The following PRUNE2 variants were observed in gnomAD, a reference collection of about 807,000 sequenced individuals.
The protein encoded by PRUNE2 is protein prune homolog 2.
PRUNE2 carries 164 observed loss-of-function variants against 252.0 expected under a neutral mutation model. The observed-to-expected ratio is 0.65, with a 90% CI of 0.57 to 0.74. PRUNE2 has a LOEUF of 0.74. PRUNE2 is among the 30% of genes least tolerant of loss of function. The probability of loss-of-function intolerance (pLI) is 0.00; values close to 1 mark genes in which losing one functional copy is unlikely to be tolerated. For missense variants in PRUNE2, 3,495 were observed against 3,711.0 expected (o/e 0.94, Z 1.51); for synonymous variants, 1,292 against 1,350.2 (o/e 0.96, Z 0.94).
intron 11 of PRUNE2, among the ~76,000 whole-genome samples, chr9:76,647,525 G>A (rs1003815328): frequency 6.6e-6 from 1 of 152,066 alleles, no homozygotes; most frequent in African/African-American, 2.4e-5. Flanking sequence ...TTGATAAGGT[G>A]GACTTCATTG....
intron 6 of PRUNE2, among the ~76,000 whole-genome samples, chr9:76,773,616 G>A (rs1462599680): frequency 6.6e-6 from 1 of 151,878 alleles, no homozygotes; most frequent in African/African-American, 2.4e-5. Flanking sequence ...GCTAATTTTT[G>A]TACTTTTAGT....
Position 76,709,030 on chromosome 9 carries a change from G to C in PRUNE2, c.3244C>G (p.Pro1082Ala), listed in dbSNP as rs772152187. ...GESSQSSYDDPSMMQLYNETN... is the reference protein window; with the variant it reads ...GESSQSSYDDASMMQLYNETN... ...TCATTGTACAGTTGCATCATGCTGGGGTCGTCGTAACTGGACTGGCTGCTT... is the reference window on the plus strand; with the variant it reads ...TCATTGTACAGTTGCATCATGCTGGCGTCGTCGTAACTGGACTGGCTGCTT... Residue 1082 changes from proline (P) to alanine (A), a missense_variant, in exon 8 of 19, where the codon CCC (proline) becomes GCC (alanine). Transcript: ENST00000376718. 18 of 1,613,826 alleles carry C rather than the reference G, an allele frequency of 1.1e-5. No individual in the cohort carries two copies. The highest frequency in any genetic ancestry group is 1.4e-5 in the Non-Finnish European group (16 of 1,179,898).
At chr9:76,841,005 T>C (rs1159722083) in intron 4 of PRUNE2, among the ~76,000 whole-genome samples, 1 of 151,074 alleles carries the variant, frequency 6.6e-6, no homozygotes, top group African/African-American at 2.4e-5. Flanking sequence ...AGATTGTCCC[T>C]AGGTGGCTGG....
At chr9:76,744,988 A>G (rs2049977309) in intron 6 of PRUNE2, among the ~76,000 whole-genome samples, 1 of 152,134 alleles carries the variant, frequency 6.6e-6, no homozygotes, top group Non-Finnish European at 1.5e-5. Context: ...GACTTTCCCC[A>G]CCAAGCCTTA....
At chr9:76,616,825 A>AGG (rs1277161176) in intron 18 of PRUNE2, among the ~76,000 whole-genome samples, 3 of 152,138 alleles carry the variant, frequency 2.0e-5, no homozygotes, top group African/African-American at 7.2e-5. Flanking sequence ...CTTCAAATAG[A>AGG]GCCACTCTTG....
chr9:76,631,199 G>A (rs1483374011), intron 15 of PRUNE2, among the ~76,000 whole-genome samples: 1 of 152,172 alleles, frequency 6.6e-6, no homozygotes, highest in African/African-American at 2.4e-5. Flanking sequence ...GCTAAATACG[G>A]TTTTGATAAA....
At chr9:76,758,611 G>C (rs1400802609) in intron 6 of PRUNE2, 1 of 151,706 alleles carries the variant, frequency 6.6e-6, no homozygotes, top group Non-Finnish European at 1.5e-5. Context: ...TCCCGCCTCA[G>C]CCTCCTGAGT....
intron 1 of PRUNE2, among the ~76,000 whole-genome samples, chr9:76,876,414 GAT>G (rs1484548399): frequency 1.3e-5 from 2 of 152,112 alleles, no homozygotes; most frequent in East Asian, 3.9e-4. Flanking sequence ...TTGGGGGCCA[GAT>G]TCCCCTGGAC....
intron 6 of PRUNE2, among the ~76,000 whole-genome samples, chr9:76,721,629 G>A (rs1049254187): frequency 3.3e-5 from 5 of 152,124 alleles, no homozygotes; most frequent in African/African-American, 7.2e-5. Context: ...CAGTGTGTAC[G>A]GCTGCATTTT....
chr9:76,766,827 C>T lies in PRUNE2; in HGVS notation c.757-53106G>A, dbSNP rs530116345. 1.5e-3 allele frequency among the ~76,000 whole-genome samples: 228 copies of T among 152,322 alleles called. 1 individual carries two copies. The highest frequency in any genetic ancestry group is 1.9e-3 in the Non-Finnish European group (130 of 68,030). On this transcript the variant is annotated intron_variant, in intron 6 of 18. Coordinates refer to ENST00000376718, the MANE Select transcript of PRUNE2 (RefSeq NM_015225.3). ...ACATCACTTTCTCTGTGAGGGCTTT[C>T]TCTCCAAAGCACTGTTCTGCGGTCC...
intron 9 of PRUNE2, among the ~76,000 whole-genome samples, chr9:76,701,648 G>C (rs2045898462): frequency 6.6e-6 from 1 of 152,186 alleles, no homozygotes; most frequent in African/African-American, 2.4e-5. Flanking sequence ...CAGGAAGAAA[G>C]AAGGATTAGG....
chr9:76,846,728 T>A lies in PRUNE2; in HGVS notation c.345-50A>T, dbSNP rs150170774. 5.1e-4 allele frequency: 770 copies of A among 1,520,726 alleles called. 5 individuals carry two copies. The African/African-American group carries it at 9.2e-3, about 18-fold the overall frequency. The allele number at this position is 1,520,726 out of a possible 1,614,324, so 94.2% of individuals were successfully genotyped here. On this transcript the variant is annotated intron_variant, in intron 3 of 18. Coordinates refer to ENST00000376718, the MANE Select transcript of PRUNE2 (RefSeq NM_015225.3). ...AGAGAAAGGGATATGGCATGTCTTA[T>A]TACTTTTTGGAATGTTTAAATCTCT...
intron 1 of PRUNE2, chr9:76,862,869 C>A (rs2060631005): frequency 6.6e-6 from 1 of 152,128 alleles, no homozygotes; most frequent in South Asian, 2.1e-4. Flanking sequence ...GCCCTCTAAG[C>A]ATTCTTTTCA....
At chr9:76,785,188 T>C (rs1022644298) in intron 6 of PRUNE2, 1 of 152,246 alleles carries the variant, frequency 6.6e-6, no homozygotes, top group African/African-American at 2.4e-5. Flanking sequence ...ATGTCAGGCA[T>C]ACATTATTCC....
At chr9:76,792,969 G>T (rs1441072257) in intron 6 of PRUNE2, among the ~76,000 whole-genome samples, 1 of 152,172 alleles carries the variant, frequency 6.6e-6, no homozygotes, top group African/African-American at 2.4e-5. Flanking sequence ...GTCCCTGAAA[G>T]GGGGGGCTTA....
intron 4 of PRUNE2, among the ~76,000 whole-genome samples, chr9:76,837,441 A>AAATT (rs1554798655): frequency 1.5e-5 from 2 of 134,826 alleles, no homozygotes; most frequent in African/African-American, 2.7e-5. Flanking sequence ...ACTCTGTCTC[A>AAATT]AATAATAATA....
chr9:76,619,406 T>G lies in PRUNE2; in HGVS notation c.9189-19A>C, dbSNP rs1299962653. On this transcript the variant is annotated intron_variant, in intron 17 of 18. Coordinates refer to ENST00000376718, the MANE Select transcript of PRUNE2 (RefSeq NM_015225.3). ...GCTAGTTCTGAGTGCAAGGAAAAAA[T>G]AGGAAGCAGTCAACATTTCCCCACT... 4 of 1,584,752 alleles carry G rather than the reference T, an allele frequency of 2.5e-6. No individual in the cohort carries two copies. Among genetic ancestry groups the G allele is most frequent in the Non-Finnish European group, 2.6e-6 (3 of 1,158,894 alleles).
chr9:76,818,829 T>C (rs2057854171), intron 6 of PRUNE2, among the ~76,000 whole-genome samples: 2 of 152,282 alleles, frequency 1.3e-5, no homozygotes, highest in African/African-American at 4.8e-5. Context: ...GTCTGAAAAA[T>C]GACTACTGTC....
intron 16 of PRUNE2, among the ~76,000 whole-genome samples, chr9:76,626,060 T>G (rs1834599649): frequency 6.6e-6 from 1 of 152,238 alleles, no homozygotes; most frequent in Admixed American, 6.5e-5. Context: ...AAGGTTCATT[T>G]AAACAGAAAC....
Sources: allele counts gnomAD v4.1 joint callset (sites outside exome capture counted in the v4.1 genomes callset), GRCh38; gene constraint gnomAD v4.1.1; transcripts MANE v1.5; gene names NCBI Gene and HGNC (gene_info 2026-07-23, HGNC 2026-07-21).